The following PRKAR2B variants were observed in gnomAD, a reference collection of about 807,000 sequenced individuals.
The protein encoded by PRKAR2B is protein kinase cAMP-dependent type II regulatory subunit beta.
In PRKAR2B, 14 loss-of-function variants were observed where a neutral mutation model predicts 49.9. The ratio of observed to expected loss-of-function variants is 0.28; its 90% CI spans 0.19 to 0.44. The LOEUF (loss-of-function observed/expected upper bound fraction) is 0.44. Among genes scored for constraint, PRKAR2B ranks in the 20% least tolerant of loss-of-function variants. PRKAR2B has a pLI of 1.00. For synonymous variants in PRKAR2B, 196 were observed against 197.7 expected (o/e 0.99, Z 0.07); for missense variants, 393 against 537.9 (o/e 0.73, Z 2.67).
intron 4 of PRKAR2B, chr7:107,133,769 A>ATTAGAGT (rs1184229241): frequency 1.3e-5 from 2 of 152,214 alleles, no homozygotes; most frequent in African/African-American, 4.8e-5. Context: ...TCTCAGTTTA[A>ATTAGAGT]TTAGAGTTTT....
rs188435178 is a variant in PRKAR2B, at chr7:107,129,939, T to C, written c.480+1644T>C. On this transcript the variant is annotated intron_variant, in intron 4 of 10. Coordinates refer to ENST00000265717, the MANE Select transcript of PRKAR2B (RefSeq NM_002736.3). ...CTGGCTTCTTGACTGCAACCTGTTT[T>C]ATCAGCAAGATCTTTATGACCTGTA... 1.2e-3 allele frequency among the ~76,000 whole-genome samples: 187 copies of C among 152,258 alleles called. 1 individual carries two copies. Among genetic ancestry groups the C allele is most frequent in the African/African-American group, 4.3e-3 (180 of 41,554 alleles).
intron 5 of PRKAR2B, among the ~76,000 whole-genome samples, chr7:107,141,766 T>G (rs979981953): frequency 1.3e-5 from 2 of 152,200 alleles, no homozygotes; most frequent in African/African-American, 4.8e-5. Context: ...TGAAAAGTCT[T>G]TCTTCCTACT....
chr7:107,050,321 G>A (rs1007576252), intron 1 of PRKAR2B, among the ~76,000 whole-genome samples: 2 of 121,132 alleles, frequency 1.7e-5, no homozygotes, highest in Non-Finnish European at 3.3e-5. Context: ...TTTTAGATAA[G>A]ACAGTTACCA....
chr7:107,092,334 G>A (rs1794746949), intron 2 of PRKAR2B, among the ~76,000 whole-genome samples: 1 of 151,714 alleles, frequency 6.6e-6, no homozygotes, highest in Non-Finnish European at 1.5e-5. Flanking sequence ...ACCAGAAATG[G>A]TCAGGATAGA....
At chr7:107,152,734 G>A (rs1411641224) in intron 7 of PRKAR2B, among the ~76,000 whole-genome samples, 1 of 152,138 alleles carries the variant, frequency 6.6e-6, no homozygotes, top group African/African-American at 2.4e-5. Flanking sequence ...TAAAAATTTT[G>A]TCCACATCAC....
intron 1 of PRKAR2B, among the ~76,000 whole-genome samples, chr7:107,065,714 C>T (rs1184318151): frequency 1.3e-5 from 2 of 152,192 alleles, no homozygotes; most frequent in African/African-American, 4.8e-5. Context: ...GAGACTTGCT[C>T]TGTTTCCTTG....
At chr7:107,125,580 T>C (rs1170257521) in intron 3 of PRKAR2B, among the ~76,000 whole-genome samples, 1 of 152,090 alleles carries the variant, frequency 6.6e-6, no homozygotes, top group Non-Finnish European at 1.5e-5. Context: ...TCAGAGCAGG[T>C]GGCTGCAGTA....
intron 2 of PRKAR2B, among the ~76,000 whole-genome samples, chr7:107,090,004 G>C (rs984155725): frequency 1.3e-5 from 2 of 152,172 alleles, no homozygotes; most frequent in African/African-American, 4.8e-5. Flanking sequence ...TAACTGGTTG[G>C]ATTGTCTTGT....
At chr7:107,123,934 A>G (rs1185855551) in intron 3 of PRKAR2B, among the ~76,000 whole-genome samples, 1 of 152,214 alleles carries the variant, frequency 6.6e-6, no homozygotes, top group African/African-American at 2.4e-5. Context: ...TTTAGTCTCA[A>G]CAACTATGAA....
intron 5 of PRKAR2B, among the ~76,000 whole-genome samples, chr7:107,142,005 G>A (rs1335212771): frequency 6.6e-6 from 1 of 152,184 alleles, no homozygotes; most frequent in Non-Finnish European, 1.5e-5. Flanking sequence ...CCTGAGCTGA[G>A]TCCTTATTTC....
At chr7:107,159,234 C>T (rs112647346) in intron 10 of PRKAR2B, among the ~76,000 whole-genome samples, 84 of 152,234 alleles carry the variant, frequency 5.5e-4, no homozygotes, top group Middle Eastern at 3.4e-3. Context: ...ATCATATTGC[C>T]GAGGGACTGC....
At chr7:107,114,528 A>ATT (rs761914948) in intron 2 of PRKAR2B, among the ~76,000 whole-genome samples, 12 of 131,568 alleles carry the variant, frequency 9.1e-5, no homozygotes, top group Non-Finnish European at 1.5e-4. Flanking sequence ...TGCCCGGTTA[A>ATT]TTTTTTTTTT....
chr7:107,146,364 A>T lies in PRKAR2B; in HGVS notation c.644A>T (p.Tyr215Phe). The T allele has an allele frequency of 1.2e-6, 2 of 1,614,144 alleles. No individual in the cohort carries two copies. The highest frequency in any genetic ancestry group is 1.7e-6 in the Non-Finnish European group (2 of 1,179,998). The change falls in exon 6 of 11, where the codon TAT becomes TTT. Residue 215 changes from tyrosine (Y) to phenylalanine (F), a missense_variant. Physicochemically the swap from Tyr to Phe is conservative, Grantham distance 22. Coordinates refer to ENST00000265717, the MANE Select transcript of PRKAR2B (RefSeq NM_002736.3). Reference protein sequence around the residue: ...CDGVGRCVGNYDNRGSFGELA... With the variant: ...CDGVGRCVGNFDNRGSFGELA... ...GGTGTTGGAAGATGTGTTGGTAACT[A>T]TGATAATCGTGGGAGTTTCGGCGAA...
intron 1 of PRKAR2B, among the ~76,000 whole-genome samples, chr7:107,064,514 T>G (rs781193478): frequency 1.2e-4 from 19 of 152,272 alleles, no homozygotes; most frequent in Non-Finnish European, 1.8e-4. Flanking sequence ...AGAAAAGTGG[T>G]CTCCCAAGTG....
chr7:107,045,265 C>G (rs1441267521), intron 1 of PRKAR2B, 51 bp downstream of exon 1: 2 of 1,366,360 alleles, frequency 1.5e-6, no homozygotes, highest in South Asian at 3.1e-5. Context: ...CGCTGCCCCC[C>G]ACCGCTCCCC....
Position 107,097,861 on chromosome 7 carries a change from G to C in PRKAR2B, c.344-24091G>C, listed in dbSNP as rs191656763. Among the ~76,000 whole-genome samples the C allele has an allele frequency of 1.3e-3, 204 of 152,332 alleles. 1 individual carries two copies. Among genetic ancestry groups the C allele is most frequent in the Admixed American group, 0.013 (201 of 15,300 alleles). On this transcript the variant is annotated intron_variant, in intron 2 of 10. Coordinates refer to ENST00000265717, the MANE Select transcript of PRKAR2B (RefSeq NM_002736.3). ...CCCCCATTCTCTTCTGGCTTGTAGA[G>C]TTTCTGCCGAGAGATCCACTGTTAG...
intron 4 of PRKAR2B, 70 bp downstream of exon 4, chr7:107,128,365 G>C: frequency 8.3e-7 from 1 of 1,210,192 alleles, no homozygotes; most frequent in Non-Finnish European, 1.2e-6. Context: ...AACTGTACAG[G>C]GTCTTGAGTT....
Position 107,128,315 on chromosome 7 carries a change from T to C in PRKAR2B, c.480+20T>C. On this transcript the variant is annotated intron_variant, in intron 4 of 10. Transcript: ENST00000265717. Reference sequence around the variant, plus strand: ...GATCCGGTAAGATAAATCTTAATAATAGAAATGGCTTTGTTTTTTCCCCCA... The same window carrying C: ...GATCCGGTAAGATAAATCTTAATAACAGAAATGGCTTTGTTTTTTCCCCCA... The C allele has an allele frequency of 6.4e-7, 1 of 1,563,070 alleles. No individual in the cohort carries two copies. The highest frequency in any genetic ancestry group is 8.8e-7 in the Non-Finnish European group (1 of 1,133,826).
At chr7:107,071,049 T>C (rs1794258576) in intron 2 of PRKAR2B, among the ~76,000 whole-genome samples, 1 of 152,176 alleles carries the variant, frequency 6.6e-6, no homozygotes, top group Non-Finnish European at 1.5e-5. Context: ...TTAAATGAGT[T>C]TGGGCATTGA....
Sources: gnomAD v4.1 joint callset for allele counts (sites outside exome capture counted in the v4.1 genomes callset) on GRCh38, gnomAD v4.1.1 for gene constraint, MANE v1.5 for transcripts, NCBI Gene and HGNC (gene_info 2026-07-23, HGNC 2026-07-21) for gene names.